The following SGCZ variants were observed in gnomAD, a reference collection of about 807,000 sequenced individuals.
SGCZ encodes the protein sarcoglycan zeta.
In SGCZ, 40 loss-of-function variants were observed where a neutral mutation model predicts 41.3. That is an observed-to-expected ratio of 0.97 (90% CI 0.75 to 1.26). SGCZ has a LOEUF of 1.26. SGCZ is among the 50% of genes most tolerant of loss of function. The pLI, the probability that SGCZ is intolerant of heterozygous loss-of-function variation, is 0.00. For synonymous variants in SGCZ, 206 were observed against 137.5 expected (o/e 1.50, Z -3.49); for missense variants, 552 against 369.8 (o/e 1.49, Z -4.04).
At chr8:14,954,900 A>C (rs1048816241) in intron 1 of SGCZ, among the ~76,000 whole-genome samples, 3 of 152,234 alleles carry the variant, frequency 2.0e-5, no homozygotes, top group Admixed American at 6.5e-5. Flanking sequence ...GAGTAATAGA[A>C]AACAAACATA....
chr8:14,191,940 T>C (rs771972272), intron 4 of SGCZ, among the ~76,000 whole-genome samples: 1 of 152,120 alleles, frequency 6.6e-6, no homozygotes, highest in South Asian at 2.1e-4. Flanking sequence ...CTGATCCTTT[T>C]ACCTGTAAAT....
At chr8:14,582,988 T>A (rs567804987) in intron 1 of SGCZ, among the ~76,000 whole-genome samples, 215 of 151,972 alleles carry the variant, frequency 1.4e-3, no homozygotes, top group African/African-American at 4.9e-3. Flanking sequence ...TGTGTCTTTA[T>A]AGCAGCATGA....
chr8:14,342,546 A>C (rs1421660915), intron 2 of SGCZ, among the ~76,000 whole-genome samples: 3 of 152,084 alleles, frequency 2.0e-5, no homozygotes, highest in African/African-American at 7.2e-5. Flanking sequence ...CGATCTCCTG[A>C]ACTGGTGATC....
chr8:15,051,661 G>A (rs1804517914), intron 1 of SGCZ, among the ~76,000 whole-genome samples: 1 of 151,838 alleles, frequency 6.6e-6, no homozygotes, highest in African/African-American at 2.4e-5. Flanking sequence ...GCCCACCGTT[G>A]GTGTTACCAT....
At chr8:14,601,698 G>C (rs1355348227) in intron 1 of SGCZ, among the ~76,000 whole-genome samples, 1 of 152,232 alleles carries the variant, frequency 6.6e-6, no homozygotes, top group Non-Finnish European at 1.5e-5. Flanking sequence ...CAATGTGGCA[G>C]ATGTGAGAAC....
chr8:14,189,897 C>A (rs763231768), intron 4 of SGCZ, among the ~76,000 whole-genome samples: 3 of 151,930 alleles, frequency 2.0e-5, no homozygotes, highest in African/African-American at 4.8e-5. Context: ...AAGAGAAGTT[C>A]AATAACTACT....
chr8:14,990,527 G>A (rs552299549), intron 1 of SGCZ, among the ~76,000 whole-genome samples: 1 of 151,938 alleles, frequency 6.6e-6, no homozygotes, highest in Admixed American at 6.6e-5. Flanking sequence ...GAGCATGCAA[G>A]GGATCTAGGT....
At chr8:14,634,237 G>C (rs1445178413) in intron 1 of SGCZ, among the ~76,000 whole-genome samples, 2 of 151,692 alleles carry the variant, frequency 1.3e-5, no homozygotes, top group African/African-American at 4.8e-5. Context: ...TAATAGATTT[G>C]TGTCCATAGT....
intron 1 of SGCZ, among the ~76,000 whole-genome samples, chr8:15,005,925 C>A (rs1125265): frequency 6.6e-6 from 1 of 151,886 alleles, no homozygotes; most frequent in Non-Finnish European, 1.5e-5. Context: ...CAACATAAAA[C>A]GGAATGAGAA....
chr8:14,443,386 C>T (rs1423874644), intron 2 of SGCZ, among the ~76,000 whole-genome samples: 2 of 152,120 alleles, frequency 1.3e-5, no homozygotes, highest in East Asian at 1.9e-4. Flanking sequence ...AAGCTGGAGG[C>T]ATCACACTAC....
intron 1 of SGCZ, among the ~76,000 whole-genome samples, chr8:14,886,028 T>TAA (rs1180293952): frequency 6.4e-5 from 7 of 110,122 alleles, no homozygotes; most frequent in African/African-American, 2.4e-4. Flanking sequence ...TATATATATA[T>TAA]ATATATAAAA....
intron 1 of SGCZ, chr8:14,879,358 A>T (rs1211892563): frequency 2.0e-5 from 3 of 152,188 alleles, no homozygotes; most frequent in Admixed American, 6.6e-5. Context: ...AGACAAATAA[A>T]AAAAGACCAG....
intron 4 of SGCZ, among the ~76,000 whole-genome samples, chr8:14,234,553 A>G (rs546344560): frequency 6.6e-6 from 1 of 152,176 alleles, no homozygotes; most frequent in Admixed American, 6.5e-5. Flanking sequence ...TACTTAGAAA[A>G]TGAAGAGTAA....
intron 1 of SGCZ, among the ~76,000 whole-genome samples, chr8:15,003,825 A>G (rs534004798): frequency 6.6e-6 from 1 of 152,260 alleles, no homozygotes; most frequent in African/African-American, 2.4e-5. Context: ...TATAATCCCT[A>G]TCTCGTAAGT....
At chr8:14,341,136 T>C (rs1024704866) in intron 2 of SGCZ, among the ~76,000 whole-genome samples, 2 of 152,228 alleles carry the variant, frequency 1.3e-5, no homozygotes, top group African/African-American at 2.4e-5. Flanking sequence ...AATAATATTA[T>C]GCTATCTGTA....
intron 1 of SGCZ, among the ~76,000 whole-genome samples, chr8:15,098,902 A>T (rs1009073304): frequency 5.3e-5 from 8 of 152,134 alleles, no homozygotes; most frequent in Non-Finnish European, 8.8e-5. Flanking sequence ...CTACTTAAAT[A>T]CAAAAATTAG....
intron 1 of SGCZ, among the ~76,000 whole-genome samples, chr8:14,968,010 T>C (rs1317951647): frequency 6.6e-6 from 1 of 152,162 alleles, no homozygotes; most frequent in African/African-American, 2.4e-5. Context: ...AATAAAAACA[T>C]CTTGTACAAA....
intron 1 of SGCZ, among the ~76,000 whole-genome samples, chr8:14,709,543 T>G (rs1809446208): frequency 6.6e-6 from 1 of 152,166 alleles, no homozygotes; most frequent in African/African-American, 2.4e-5. Context: ...GTCAATAGGT[T>G]TGCTAATTCG....
At chr8:15,016,870 AAG>A (rs142823662) in intron 1 of SGCZ, among the ~76,000 whole-genome samples, 16 of 149,716 alleles carry the variant, frequency 1.1e-4, no homozygotes, top group Non-Finnish European at 1.3e-4. Context: ...GTCATTTGGC[AAG>A]AGAGAGAGAG....
Sources: gnomAD v4.1 joint callset for allele counts (sites outside exome capture counted in the v4.1 genomes callset) on GRCh38, gnomAD v4.1.1 for gene constraint, MANE v1.5 for transcripts, NCBI Gene and HGNC (gene_info 2026-07-23, HGNC 2026-07-21) for gene names.